Variants in STXBP2 observed in about 807,000 individuals in gnomAD.
STXBP2 encodes syntaxin binding protein 2.
Under a neutral mutation model 72.2 loss-of-function variants are expected in STXBP2, and 47 were observed. The ratio of observed to expected loss-of-function variants is 0.65; its 90% CI spans 0.51 to 0.83. The LOEUF (loss-of-function observed/expected upper bound fraction) is 0.83, where lower values mean the gene tolerates loss of function less well. STXBP2 is among the 40% of genes least tolerant of loss of function. The pLI, the probability that STXBP2 is intolerant of heterozygous loss-of-function variation, is 0.00. For synonymous variants in STXBP2, 367 were observed against 338.7 expected (o/e 1.08, Z -0.92); for missense variants, 702 against 807.6 (o/e 0.87, Z 1.58).
chr19:7,640,040 GTGTGTGCATT>G, intron 4 of STXBP2: 1 of 660,242 alleles, frequency 1.5e-6, no homozygotes, highest in East Asian at 2.9e-5. Context: ...GTGTGCGTCT[GTGTGTGCATT>G]TGTGTGTATG....
chr19:7,643,260 G>C lies in STXBP2; in HGVS notation c.1107+15G>C, dbSNP rs747904049. The C allele has an allele frequency of 1.9e-6, 3 of 1,612,638 alleles. No individual in the cohort carries two copies. Among genetic ancestry groups the C allele is most frequent in the Non-Finnish European group, 2.5e-6 (3 of 1,179,680 alleles). ...GTGTGGAGCAGGTGGGGCAGGGCTT[G>C]CGGGGGGCAGGGGTGATGGTCCTGC... On this transcript the variant is annotated intron_variant, in intron 13 of 18. Coordinates refer to ENST00000221283, the MANE Select transcript of STXBP2 (RefSeq NM_006949.4).
In STXBP2 at chr19:7,642,806, A is replaced by G. The variant is rs747344322; in HGVS notation, c.943A>G (p.Arg315Gly). ...CCTGAGGACCTTCTGTGAGAGCAAG[A>G]GGCTGACCACGGACAAGGTAGGGGC... Reference protein sequence around the residue: ...ELLRTFCESKRLTTDKANIKD... With the variant: ...ELLRTFCESKGLTTDKANIKD... Residue 315 changes from arginine (R) to glycine (G), a missense_variant, in exon 11 of 19, where the codon AGG (arginine) becomes GGG (glycine). Coordinates refer to ENST00000221283, the MANE Select transcript of STXBP2 (RefSeq NM_006949.4). This position sits in a 1 kb window ranked among gnomAD's most constrained non-coding sequence, Gnocchi z 6.0. 3.7e-6 allele frequency: 6 copies of G among 1,613,952 alleles called. No homozygotes were observed. Among genetic ancestry groups the G allele is most frequent in the African/African-American group, 2.7e-5 (2 of 74,880 alleles).
chr19:7,638,591 G>A, intron 1 of STXBP2, 135 bp from the exon 2 acceptor site: 1 of 903,992 alleles, frequency 1.1e-6, no homozygotes, highest in Non-Finnish European at 1.7e-6. Flanking sequence ...GACAGAGTGA[G>A]ATCCTCCTCT....
At chr19:7,639,934 GT>G in intron 4 of STXBP2, 127 bp downstream of exon 4, 1 of 423,170 alleles carries the variant, frequency 2.4e-6, no homozygotes. Context: ...ATGTGTATGT[GT>G]GTGCATGTGT....
At chr19:7,645,147 T>C (rs1363063035) in intron 14 of STXBP2, 50 bp from the exon 15 acceptor site, 2 of 1,539,574 alleles carry the variant, frequency 1.3e-6, no homozygotes, top group Non-Finnish European at 1.8e-6. Flanking sequence ...CCCCTAAACC[T>C]GGGAGCTCAC....
chr19:7,639,946 GTGCATGTGTGTGTGCATCTGTGTA>G (rs1242768458), intron 4 of STXBP2, 139 bp downstream of exon 4: 2 of 881,116 alleles, frequency 2.3e-6, no homozygotes, highest in African/African-American at 1.7e-5. Flanking sequence ...GTGCATGTGT[GTGCATGTGTGTGTGCATCTGTGTA>G]TGCATGTGTG....
At chr19:7,632,365 TCCTCGACATCG>T (rs769378501), upstream of STXBP2, 31 of 1,612,850 alleles carry the variant, frequency 1.9e-5, no homozygotes, top group Non-Finnish European at 2.5e-5. The surrounding 1 kb of genome is among the most constrained non-coding windows in gnomAD (Gnocchi z 5.2). Flanking sequence ...GGCGGGTTTC[TCCTCGACATCG>T]CCAGAACATC....
chr19:7,639,501 C>A (rs370379030), intron 3 of STXBP2: 2 of 604,202 alleles, frequency 3.3e-6, no homozygotes, highest in African/African-American at 1.8e-5. Context: ...CCTGTCCTCT[C>A]AGAACCTCAG....
chr19:7,645,985 T>G (rs1009302800), intron 15 of STXBP2: 5 of 568,704 alleles, frequency 8.8e-6, no homozygotes, highest in Admixed American at 3.1e-5. Context: ...TCTCACTGCT[T>G]CTTATCTCTT....
chr19:7,638,370 G>A (rs776183118), intron 1 of STXBP2, among the ~76,000 whole-genome samples: 54 of 152,216 alleles, frequency 3.5e-4, no homozygotes, highest in Non-Finnish European at 6.6e-4. Context: ...GGGAGGCCGA[G>A]GCAGGAGGAC....
At position 7,639,864 on chromosome 19, in the gene STXBP2, G is replaced by A. The variant is rs368473596; in HGVS notation, c.246+57G>A. ...CGTGCATGCGTGTACATGTGCATGT[G>A]TGTGTATGTCTGCATGCATGTGATT... is the stretch of plus-strand genomic sequence containing the variant. On this transcript the variant is annotated intron_variant, in intron 4 of 18. Transcript: ENST00000221283. The A allele has an allele frequency of 1.2e-5, 18 of 1,553,008 alleles. No individual in the cohort carries two copies. In the South Asian group the frequency reaches 1.4e-4, roughly 12 times the overall value.
chr19:7,646,051 C>G, intron 15 of STXBP2, 198 bp from the exon 16 acceptor site: 3 of 602,996 alleles, frequency 5.0e-6, no homozygotes, highest in Non-Finnish European at 8.9e-6. Context: ...CTCCCTTTGG[C>G]TTTCTCTCTC....
intron 4 of STXBP2, 123 bp downstream of exon 4, chr19:7,639,930 ATGTGTGTGCATGTGTGTGCATG>A (rs750967335): frequency 2.7e-5 from 11 of 411,576 alleles, no homozygotes; most frequent in Non-Finnish European, 3.8e-5. Context: ...GTCCATGTGT[ATGTGTGTGCATGTGTGTGCATG>A]TGTGTGTGCA....
At chr19:7,640,426 G>GCA (rs1568465451) in intron 4 of STXBP2, 2 of 632,092 alleles carry the variant, frequency 3.2e-6, no homozygotes, top group Admixed American at 2.2e-5. Context: ...GTGTGCGCGC[G>GCA]CATCTGTGTG....
At chr19:7,636,545 G>C (rs534622557), upstream of STXBP2, 6 of 149,796 alleles carry the variant, frequency 4.0e-5, no homozygotes, top group African/African-American at 1.5e-4. Flanking sequence ...ACTCGTCGTG[G>C]CCTTGGATTA....
Position 7,640,481 on chromosome 19 carries a change from T to C in STXBP2, c.247-250T>C, listed in dbSNP as rs1215505733. On this transcript the variant is annotated intron_variant, in intron 4 of 18. Transcript: ENST00000221283. ...GTGTGTGCATCTCTGTGTGTGCATG[T>C]GTGTATGTGTGTGTGCATCTGTGTG... is the stretch of plus-strand genomic sequence containing the variant. 8.8e-6 allele frequency: 6 copies of C among 684,302 alleles called. No homozygotes were observed. In the African/African-American group the frequency reaches 9.0e-5, roughly 10 times the overall value. The allele number at this position is 684,302 out of a possible 1,614,324, so 42.4% of individuals were successfully genotyped here. A position where few individuals can be genotyped will look rare whatever the true frequency, so the allele number is the denominator to read the frequency against.
chr19:7,645,939 T>G, intron 15 of STXBP2: 1 of 488,716 alleles, frequency 2.0e-6, no homozygotes. Context: ...TGTTTCCTGC[T>G]TCATCTCTTG....
In STXBP2 at chr19:7,639,802, G is replaced by T; in HGVS notation, c.241G>T (p.Glu81Ter). The T allele has an allele frequency of 6.2e-7, 1 of 1,613,924 alleles. No individual in the cohort carries two copies. The highest frequency in any genetic ancestry group is 1.1e-5 in the South Asian group (1 of 91,036). ...GGCCATTTATTTGCTGAGCCCCACG[G>T]AGAAGGTGCCTACATGAGTGAGCGT... ...LEAIYLLSPT[E>*]KSVQALIKDF... Residue 81 changes from glutamate (E) to a stop codon, truncating the protein, a stop_gained, in exon 4 of 19, where the codon GAG becomes TAG. Coordinates refer to ENST00000221283, the MANE Select transcript of STXBP2 (RefSeq NM_006949.4). LOFTEE classifies it high-confidence loss of function.
chr19:7,630,667 T>C, the STXBP2 span: 1 of 1,536,488 alleles, frequency 6.5e-7, no homozygotes, highest in South Asian at 1.2e-5. Context: ...AAGGTGGGCA[T>C]AAGAGGAGTG....
Sources: allele counts gnomAD v4.1 joint callset (sites outside exome capture counted in the v4.1 genomes callset), GRCh38; gene constraint gnomAD v4.1.1; non-coding constraint Gnocchi (gnomAD v3.1); transcripts MANE v1.5; gene names NCBI Gene and HGNC (gene_info 2026-07-23, HGNC 2026-07-21).